CHRM2: variants seen among roughly 807,000 people sequenced by gnomAD.
CHRM2 encodes the protein muscarinic acetylcholine receptor M2.
Under a neutral mutation model 25.0 loss-of-function variants are expected in CHRM2, and 8 were observed. The observed-to-expected ratio is 0.32, with a 90% CI of 0.19 to 0.58. The LOEUF is 0.58. Among genes scored for constraint, CHRM2 ranks in the 20% least tolerant of loss-of-function variants. The pLI, the probability that CHRM2 is intolerant of heterozygous loss-of-function variation, is 0.88. For missense variants in CHRM2, 440 were observed against 567.1 expected, an observed-to-expected ratio of 0.78 and a Z score of 2.28; for synonymous variants, 202 against 205.7, an observed-to-expected ratio of 0.98 and a Z score of 0.15.
chr7:136,927,272 GC>G (rs2130762343), intron 2 of CHRM2, among the ~76,000 whole-genome samples: 1 of 152,196 alleles, frequency 6.6e-6, no homozygotes, highest in East Asian at 1.9e-4. Flanking sequence ...AGGCTCTTGG[GC>G]CCAGAAACCT....
At chr7:136,938,304 G>A in intron 2 of CHRM2, 3 of 1,208,966 alleles carry the variant, frequency 2.5e-6, no homozygotes, top group Non-Finnish European at 3.7e-6. Flanking sequence ...TGTTGATGTA[G>A]CTCTCGAACA....
At chr7:136,993,238 G>A (rs1446067664) in intron 3 of CHRM2, among the ~76,000 whole-genome samples, 1 of 152,136 alleles carries the variant, frequency 6.6e-6, no homozygotes, top group African/African-American at 2.4e-5. Flanking sequence ...GAGGAAGAGA[G>A]CACAGATATA....
intron 3 of CHRM2, among the ~76,000 whole-genome samples, chr7:136,995,067 A>C (rs1217239144): frequency 6.6e-6 from 1 of 152,036 alleles, no homozygotes; most frequent in African/African-American, 2.4e-5. Context: ...TATACGGAGA[A>C]AGTGGCCAAA....
At chr7:136,887,127 T>G (rs1011007112) in intron 2 of CHRM2, among the ~76,000 whole-genome samples, 1 of 152,222 alleles carries the variant, frequency 6.6e-6, no homozygotes, top group African/African-American at 2.4e-5. Flanking sequence ...GCTCTTGCCA[T>G]AGGGGCAGTG....
intron 3 of CHRM2, among the ~76,000 whole-genome samples, chr7:137,010,491 C>T (rs1804731774): frequency 6.6e-6 from 1 of 151,958 alleles, no homozygotes; most frequent in Admixed American, 6.6e-5. Flanking sequence ...TATGATGCCG[C>T]AACACATCTA....
At chr7:136,915,043 G>A (rs1418967996) in intron 2 of CHRM2, among the ~76,000 whole-genome samples, 1 of 151,842 alleles carries the variant, frequency 6.6e-6, no homozygotes, top group Non-Finnish European at 1.5e-5. Context: ...ATGACATGTA[G>A]GAGTTTTAGA....
Position 136,968,830 on chromosome 7 carries a change from G to A in CHRM2, c.-124-23357G>A, listed in dbSNP as rs188399240. Among the ~76,000 whole-genome samples the A allele has an allele frequency of 2.0e-4, 30 of 151,156 alleles. No individual in the cohort carries two copies. The East Asian group carries it at 3.3e-3, about 17-fold the overall frequency. ...TGGATGAAACTGGAGGACATTATGC[G>A]GAGTGAAATAAGCCAGGCACAAAAA... On this transcript the variant is annotated intron_variant, in intron 2 of 3. Coordinates refer to ENST00000680005, the MANE Select transcript of CHRM2 (RefSeq NM_001006630.2).
At chr7:136,924,670 A>T (rs987909396) in intron 2 of CHRM2, among the ~76,000 whole-genome samples, 17 of 152,186 alleles carry the variant, frequency 1.1e-4, no homozygotes, top group African/African-American at 4.1e-4. Context: ...CTACACAGGC[A>T]GACTCCCCAT....
At chr7:136,899,244 T>A (rs752005948) in intron 2 of CHRM2, 2 of 152,076 alleles carry the variant, frequency 1.3e-5, no homozygotes, top group Non-Finnish European at 2.9e-5. Flanking sequence ...AATTTATTAT[T>A]CAAAAAGGGC....
chr7:136,984,704 T>C (rs1802726847), intron 2 of CHRM2, among the ~76,000 whole-genome samples: 1 of 152,002 alleles, frequency 6.6e-6, no homozygotes, highest in African/African-American at 2.4e-5. Context: ...AGGAAGGAGT[T>C]CCCTGACCCC....
intron 3 of CHRM2, among the ~76,000 whole-genome samples, chr7:137,010,468 T>A (rs564362704): frequency 3.6e-4 from 55 of 152,170 alleles, no homozygotes; most frequent in Non-Finnish European, 6.5e-4. Flanking sequence ...CTTTTATTGC[T>A]TTAACACCAC....
At chr7:136,975,307 T>G (rs1233362660) in intron 2 of CHRM2, among the ~76,000 whole-genome samples, 2 of 152,008 alleles carry the variant, frequency 1.3e-5, no homozygotes, top group Non-Finnish European at 2.9e-5. Context: ...TTTCCTCCCC[T>G]TATGAACTCT....
At chr7:136,991,530 C>T (rs931840519) in intron 2 of CHRM2, among the ~76,000 whole-genome samples, 1 of 152,084 alleles carries the variant, frequency 6.6e-6, no homozygotes, top group East Asian at 1.9e-4. Flanking sequence ...GTTTTGATTA[C>T]TACAGCTTTA....
intron 3 of CHRM2, among the ~76,000 whole-genome samples, chr7:137,008,024 C>T (rs1467805360): frequency 6.6e-6 from 1 of 151,980 alleles, no homozygotes; most frequent in Non-Finnish European, 1.5e-5. Context: ...ATTAAAAGAC[C>T]TACAATAGCA....
chr7:136,925,888 C>T (rs927428291), intron 2 of CHRM2, among the ~76,000 whole-genome samples: 5 of 152,164 alleles, frequency 3.3e-5, no homozygotes, highest in Non-Finnish European at 5.9e-5. Flanking sequence ...GAGCAAAGTG[C>T]CTACAATTAT....
chr7:136,914,981 C>A (rs1025051889), intron 2 of CHRM2, among the ~76,000 whole-genome samples: 36 of 151,766 alleles, frequency 2.4e-4, no homozygotes, highest in Admixed American at 6.6e-5. Context: ...TGCTAGTGAA[C>A]TAGAGAGAGG....
At chr7:136,913,404 G>A (rs145976874) in intron 2 of CHRM2, among the ~76,000 whole-genome samples, 78 of 151,992 alleles carry the variant, frequency 5.1e-4, no homozygotes, top group African/African-American at 1.9e-3. Context: ...CCTAACAGAA[G>A]TAATCTGTCA....
intron 3 of CHRM2, among the ~76,000 whole-genome samples, chr7:136,998,266 G>A (rs1187775325): frequency 6.6e-6 from 1 of 152,178 alleles, no homozygotes; most frequent in Non-Finnish European, 1.5e-5. Flanking sequence ...AAGCTGAGAT[G>A]TACCAGGATA....
intron 2 of CHRM2, among the ~76,000 whole-genome samples, chr7:136,928,673 T>C (rs372640197): frequency 2.0e-5 from 3 of 152,314 alleles, no homozygotes; most frequent in African/African-American, 7.2e-5. Context: ...TTCAAGACCG[T>C]AGCGCAAAGG....
Sources: gnomAD v4.1 joint callset for allele counts (sites outside exome capture counted in the v4.1 genomes callset) on GRCh38, gnomAD v4.1.1 for gene constraint, MANE v1.5 for transcripts, NCBI Gene and HGNC (gene_info 2026-07-23, HGNC 2026-07-21) for gene names.